Variants in IRF5 observed in about 807,000 individuals in gnomAD.
IRF5 encodes the protein interferon regulatory factor 5.
A neutral mutation model predicts 55.1 loss-of-function variants in IRF5; 24 were observed. The observed-to-expected ratio is 0.44, with a 90% confidence interval of 0.32 to 0.61. IRF5 has a LOEUF of 0.61. Among genes scored for constraint, IRF5 ranks in the 20% least tolerant of loss-of-function variants. The pLI is 0.07. For synonymous variants in IRF5, 258 were observed against 260.2 expected, an observed-to-expected ratio of 0.99 and a Z score of 0.08; for missense variants, 499 against 658.5, an observed-to-expected ratio of 0.76 and a Z score of 2.65.
In IRF5 at chr7:128,949,083, GGCCTAGCTGTATAGGAGGAATT is replaced by G; in HGVS notation, c.*271_*292del. The G allele has an allele frequency of 2.0e-6, 1 of 489,974 alleles. No homozygotes were observed. The highest frequency in any genetic ancestry group is 3.7e-6 in the Non-Finnish European group (1 of 270,658). 30.4% of individuals were successfully genotyped at this position (489,974 alleles called of 1,614,324 possible). On this transcript the variant is annotated 3_prime_UTR_variant, in exon 9 of 9. Transcript: ENST00000357234. ...AGGGAAAGAACTCTCCCAACCCTGG[GGCCTAGCTGTATAGGAGGAATT>G]GCCTAAGGGTGGCCCACTCTTGTGA...
At chr7:128,944,031 G>C (rs898107627) in intron 2 of IRF5, among the ~76,000 whole-genome samples, 2 of 152,144 alleles carry the variant, frequency 1.3e-5, no homozygotes, top group African/African-American at 4.8e-5. Context: ...ATGCTAGGAT[G>C]TACCTCGCAT....
In IRF5 at chr7:128,946,759, T is replaced by TGCC. The variant is rs1425823678; in HGVS notation, c.447+198_447+199insCCG. ...TTCCCAGGGCATTGTCATTACCCTG[T>TGCC]GTGTGTGACCCACGCAGCAGTTGGG... On this transcript the variant is annotated intron_variant, in intron 4 of 8. Coordinates refer to ENST00000357234, the MANE Select transcript of IRF5 (RefSeq NM_001098629.3). This position sits in a 1 kb window ranked among gnomAD's most constrained non-coding sequence, Gnocchi z 4.2. 2 of 633,974 alleles carry TGCC rather than the reference T, an allele frequency of 3.2e-6. No individual in the cohort carries two copies. The highest frequency in any genetic ancestry group is 1.8e-5 in the African/African-American group (1 of 54,962). 39.3% of individuals were successfully genotyped at this position (633,974 alleles called of 1,614,324 possible).
chr7:128,939,315 G>A (rs1300218595), intron 1 of IRF5, among the ~76,000 whole-genome samples: 1 of 152,230 alleles, frequency 6.6e-6, no homozygotes, highest in East Asian at 1.9e-4. Context: ...CCTACTTTGG[G>A]GTTTTTCCCC....
At chr7:128,941,686 T>C (rs538089673) in intron 1 of IRF5, among the ~76,000 whole-genome samples, 1 of 152,202 alleles carries the variant, frequency 6.6e-6, no homozygotes, top group African/African-American at 2.4e-5. Context: ...AGCCGGGCTT[T>C]TGGTGTCAGG....
Position 128,946,044 on chromosome 7 carries a change from C to G in IRF5, c.385+10C>G. 1 of 1,575,484 alleles carries G rather than the reference C, an allele frequency of 6.3e-7. No individual in the cohort carries two copies. On this transcript the variant is annotated intron_variant, in intron 3 of 8. Coordinates refer to ENST00000357234, the MANE Select transcript of IRF5 (RefSeq NM_001098629.3). The surrounding 1 kb of genome is among the most constrained non-coding windows in gnomAD (Gnocchi z 4.2). ...GGCCCTGCTCCCACAGGTATCAGGC[C>G]TAGCCCTCTGTGGGCCACCTGGGAG...
upstream of IRF5, chr7:128,937,750 G>A (rs1180020973): frequency 6.6e-6 from 1 of 152,414 alleles, no homozygotes; most frequent in East Asian, 1.9e-4. Flanking sequence ...AGAGCCAGTG[G>A]CCAGTCTAGG....
In IRF5 at chr7:128,947,173, C is replaced by A; in HGVS notation, c.482-57C>A. The A allele has an allele frequency of 1.2e-6, 2 of 1,602,582 alleles. No homozygotes were observed. Among genetic ancestry groups the A allele is most frequent in the Admixed American group, 1.7e-5 (1 of 59,310 alleles). On this transcript the variant is annotated intron_variant, in intron 5 of 8. Coordinates refer to ENST00000357234, the MANE Select transcript of IRF5 (RefSeq NM_001098629.3). The surrounding 1 kb of genome is among the most constrained non-coding windows in gnomAD (Gnocchi z 6.5). ...TGGCCCAGGGCTGGGAGGAGGTGTG[C>A]CTGGGAGGCAGTTCGTGGAGGTGGC...
Position 128,948,425 on chromosome 7 carries a change from G to C in IRF5, c.1299+97G>C. The C allele has an allele frequency of 6.8e-7, 1 of 1,463,938 alleles. No individual in the cohort carries two copies. The highest frequency in any genetic ancestry group is 9.3e-7 in the Non-Finnish European group (1 of 1,071,818). 90.7% of individuals were successfully genotyped at this position (1,463,938 alleles called of 1,614,324 possible). A position where few individuals can be genotyped will look rare whatever the true frequency, so the allele number is the denominator to read the frequency against. ...AGGCTGGAGGCTCAGGGCTCCCTGAGCAGTGTGAACTTGGCGGCCAGAGAC... is the reference window on the plus strand; with the variant it reads ...AGGCTGGAGGCTCAGGGCTCCCTGACCAGTGTGAACTTGGCGGCCAGAGAC... On this transcript the variant is annotated intron_variant, in intron 8 of 8. Coordinates refer to ENST00000357234, the MANE Select transcript of IRF5 (RefSeq NM_001098629.3). This position sits in a 1 kb window ranked among gnomAD's most constrained non-coding sequence, Gnocchi z 4.6.
chr7:128,947,413 A>G lies in IRF5; in HGVS notation c.665A>G (p.Asn222Ser). The G allele has an allele frequency of 6.2e-7, 1 of 1,610,956 alleles. No individual in the cohort carries two copies. The highest frequency in any genetic ancestry group is 8.5e-7 in the Non-Finnish European group (1 of 1,179,076). The change falls in exon 6 of 9, where the codon AAC becomes AGC. Residue 222 changes from asparagine (N) to serine (S), a missense_variant. Around this residue, in one of 2 missense-constraint regions of IRF5, gnomAD observed 305 missense variants for 340.2 expected, o/e 0.90. Coordinates refer to ENST00000357234, the MANE Select transcript of IRF5 (RefSeq NM_001098629.3). This position sits in a 1 kb window ranked among gnomAD's most constrained non-coding sequence, Gnocchi z 6.5. ...DPSPLAPPPG[N>S]PAGFRELLSE... The stretch of plus-strand genomic sequence containing the variant: ...AGCCCCCTGGCTCCTCCCCCTGGCA[A>G]CCCTGCTGGCTTCAGGGAGCTTCTC...
In IRF5 at chr7:128,948,049, C is replaced by G; in HGVS notation, c.1108C>G (p.His370Asp). The G allele has an allele frequency of 6.2e-7, 1 of 1,614,162 alleles. No homozygotes were observed. The change falls in exon 7 of 9, where the codon CAT (histidine) becomes GAT (aspartate). Residue 370 changes from histidine to aspartate, a missense_variant. Coordinates refer to ENST00000357234, the MANE Select transcript of IRF5 (RefSeq NM_001098629.3). This position sits in a 1 kb window ranked among gnomAD's most constrained non-coding sequence, Gnocchi z 4.6. ...VFWSGPCASA[H>D]DSCPNPIQRE... Reference sequence around the variant, plus strand: ...CTGGAGCGGGCCTTGTGCCTCAGCCCATGACTCATGCCCCAACCCCATCCA... The same window carrying G: ...CTGGAGCGGGCCTTGTGCCTCAGCCGATGACTCATGCCCCAACCCCATCCA...
chr7:128,944,681 CT>C (rs1563074347), intron 2 of IRF5, among the ~76,000 whole-genome samples: 1 of 152,176 alleles, frequency 6.6e-6, no homozygotes, highest in Non-Finnish European at 1.5e-5. Flanking sequence ...TGGAACTATC[CT>C]TTCCTCTACT....
chr7:128,939,571 C>A (rs1185577243), intron 1 of IRF5, among the ~76,000 whole-genome samples: 1 of 152,130 alleles, frequency 6.6e-6, no homozygotes, highest in Non-Finnish European at 1.5e-5. Flanking sequence ...CTGGGAGCAG[C>A]AGGGCGCCTG....
Position 128,947,510 on chromosome 7 carries a change from G to A in IRF5, c.762G>A (p.Leu254=), listed in dbSNP as rs773180996. The change falls in exon 6 of 9, where the codon CTG becomes CTA. Residue 254 remains leucine (L), a synonymous_variant. Coordinates refer to ENST00000357234, the MANE Select transcript of IRF5 (RefSeq NM_001098629.3). This position sits in a 1 kb window ranked among gnomAD's most constrained non-coding sequence, Gnocchi z 6.5. ...PPAGEQLLPD[L]LISPHMLPLT... The stretch of plus-strand genomic sequence containing the variant: ...CAGGCGAACAGCTCCTGCCAGACCT[G>A]CTGATCAGCCCCCACATGCTGCCTC... 3 of 1,582,324 alleles carry A rather than the reference G, an allele frequency of 1.9e-6. No homozygotes were observed. In the East Asian group the frequency reaches 6.7e-5, roughly 35 times the overall value.
Position 128,946,161 on chromosome 7 carries a change from G to A in IRF5, c.385+127G>A. ...AGGCAGTGGTCCAGGAAACGATGCGGGGGCTCCCGCTAGGTCATGACACCC... is the reference window on the plus strand; with the variant it reads ...AGGCAGTGGTCCAGGAAACGATGCGAGGGCTCCCGCTAGGTCATGACACCC... On this transcript the variant is annotated intron_variant, in intron 3 of 8. Transcript: ENST00000357234. This position sits in a 1 kb window ranked among gnomAD's most constrained non-coding sequence, Gnocchi z 4.2. 2 of 914,982 alleles carry A rather than the reference G, an allele frequency of 2.2e-6. No individual in the cohort carries two copies. The highest frequency in any genetic ancestry group is 1.7e-5 in the African/African-American group (1 of 59,410). The allele number at this position is 914,982 out of a possible 1,614,324, so 56.7% of individuals were successfully genotyped here.
At chr7:128,940,177 G>A (rs925234289) in intron 1 of IRF5, 3 of 152,250 alleles carry the variant, frequency 2.0e-5, no homozygotes, top group East Asian at 1.9e-4. Context: ...CACTGAGGTC[G>A]GAGTTATCAT....
chr7:128,938,759 A>G, intron 1 of IRF5, among the ~76,000 whole-genome samples: 1 of 152,110 alleles, frequency 6.6e-6, no homozygotes. Context: ...GAAGGCAACA[A>G]TGAAGAGGCT....
Position 128,942,118 on chromosome 7 carries a change from C to T in IRF5, c.37C>T (p.Arg13Cys), listed in dbSNP as rs372781024. 9 of 1,611,732 alleles carry T rather than the reference C, an allele frequency of 5.6e-6. No individual in the cohort carries two copies. The highest frequency in any genetic ancestry group is 6.8e-6 in the Non-Finnish European group (8 of 1,179,282). ...CATCCCAGTGGCTCCCACCCCACCC[C>T]GCCGCGTGCGGCTGAAGCCCTGGCT... Reference protein sequence around the residue: ...QSIPVAPTPPRRVRLKPWLVA... With the variant: ...QSIPVAPTPPCRVRLKPWLVA... Residue 13 changes from arginine to cysteine, a missense_variant, in exon 2 of 9, where the codon CGC becomes TGC. By Grantham distance (180) the Arg-to-Cys change is radical. Around this residue, in one of 2 missense-constraint regions of IRF5, gnomAD observed 305 missense variants for 340.2 expected, o/e 0.90. Transcript: ENST00000357234.
intron 1 of IRF5, among the ~76,000 whole-genome samples, chr7:128,941,576 AG>A (rs1459197712): frequency 6.6e-6 from 1 of 152,168 alleles, no homozygotes; most frequent in African/African-American, 2.4e-5. Context: ...AAACTTGGGC[AG>A]GGAAGAATCG....
intron 2 of IRF5, among the ~76,000 whole-genome samples, chr7:128,943,556 T>C (rs1391778144): frequency 6.7e-6 from 1 of 149,856 alleles, no homozygotes; most frequent in Non-Finnish European, 1.5e-5. Flanking sequence ...TTTTTTTTTT[T>C]TTGAGATGGA....
Sources: gnomAD v4.1 joint callset for allele counts (sites outside exome capture counted in the v4.1 genomes callset) on GRCh38, gnomAD v4.1.1 for gene constraint, gnomAD v4.1.1 regional missense constraint, Gnocchi (gnomAD v3.1) non-coding constraint, MANE v1.5 for transcripts, NCBI Gene and HGNC (gene_info 2026-07-23, HGNC 2026-07-21) for gene names.